Variants in LRRC37A2 observed in about 807,000 individuals in gnomAD.
LRRC37A2 encodes the protein leucine-rich repeat-containing protein 37A2.
In LRRC37A2, 9 loss-of-function variants were observed where a neutral mutation model predicts 68.8. The ratio of observed to expected loss-of-function variants is 0.13; its 90% confidence interval spans 0.08 to 0.23. LRRC37A2 has a LOEUF of 0.23. Among genes scored for constraint, LRRC37A2 ranks in the 10% least tolerant of loss-of-function variants. The pLI, the probability that LRRC37A2 is intolerant of heterozygous loss-of-function variation, is 1.00. For missense variants in LRRC37A2, 168 were observed against 950.4 expected (o/e 0.18, Z 10.82); for synonymous variants, 63 against 367.6 (o/e 0.17, Z 9.48).
At chr17:46,750,660 A>G in the LRRC37A2 span, among the ~76,000 whole-genome samples, 2 of 152,240 alleles carry the variant, frequency 1.3e-5, no homozygotes, top group African/African-American at 4.8e-5. Context: ...ACAAACTGCC[A>G]GGAATTAATT....
At chr17:46,816,471 A>ACG in the LRRC37A2 span, among the ~76,000 whole-genome samples, 321 of 78,936 alleles carry the variant, frequency 4.1e-3, 1 homozygote, top group East Asian at 0.012. Flanking sequence ...GACCCAGAAC[A>ACG]CACGCACACA....
At chr17:46,976,049 C>T in the LRRC37A2 span, among the ~76,000 whole-genome samples, 1 of 151,930 alleles carries the variant, frequency 6.6e-6, no homozygotes, top group Non-Finnish European at 1.5e-5. Context: ...GCCTCAGCCT[C>T]CCAAGTAGCT....
At chr17:46,721,566 A>C in the LRRC37A2 span, 1 of 1,455,060 alleles carries the variant, frequency 6.9e-7, no homozygotes, top group Middle Eastern at 2.4e-4. Flanking sequence ...TATACTTTTT[A>C]TTTAGCCATT....
the LRRC37A2 span, among the ~76,000 whole-genome samples, chr17:46,769,184 C>T: frequency 6.6e-6 from 1 of 152,028 alleles, no homozygotes; most frequent in East Asian, 1.9e-4. Flanking sequence ...GGTGTGGTGG[C>T]GGACGCCTGT....
intron 6 of LRRC37A2, among the ~76,000 whole-genome samples, chr17:46,534,136 C>T (rs963894119): frequency 1.4e-5 from 2 of 146,488 alleles, no homozygotes. Flanking sequence ...ACCTCAGCCT[C>T]CTGGGTAGCT....
the LRRC37A2 span, chr17:47,024,814 T>G: frequency 1.5e-6 from 1 of 653,598 alleles, no homozygotes; most frequent in African/African-American, 1.8e-5. Flanking sequence ...AATAAGGGGT[T>G]CAAATTAGAT....
At chr17:46,715,349 C>T in the LRRC37A2 span, among the ~76,000 whole-genome samples, 4 of 152,198 alleles carry the variant, frequency 2.6e-5, no homozygotes, top group South Asian at 2.1e-4. Flanking sequence ...CTTTGTTTTT[C>T]GTTTTCCCTC....
the LRRC37A2 span, among the ~76,000 whole-genome samples, chr17:46,879,465 A>G: frequency 6.6e-6 from 1 of 152,218 alleles, no homozygotes; most frequent in Non-Finnish European, 1.5e-5. Flanking sequence ...CTTACTCATA[A>G]TGATAATGAC....
At chr17:46,766,338 G>A in the LRRC37A2 span, among the ~76,000 whole-genome samples, 4 of 151,964 alleles carry the variant, frequency 2.6e-5, no homozygotes, top group Admixed American at 6.6e-5. Flanking sequence ...AACCCAGGTG[G>A]CGGAGGTTAC....
the LRRC37A2 span, among the ~76,000 whole-genome samples, chr17:46,735,349 C>T: frequency 1.3e-5 from 2 of 151,852 alleles, no homozygotes; most frequent in African/African-American, 4.8e-5. Flanking sequence ...GTTACTGTGG[C>T]ATTACATTAG....
the LRRC37A2 span, among the ~76,000 whole-genome samples, chr17:47,032,390 G>A: frequency 2.6e-5 from 4 of 151,628 alleles, no homozygotes; most frequent in African/African-American, 7.3e-5. Flanking sequence ...ACTCAGAGAC[G>A]CTAGGTAATT....
At chr17:46,673,958 C>T in the LRRC37A2 span, among the ~76,000 whole-genome samples, 149 of 15,118 alleles carry the variant, frequency 9.9e-3, 55 homozygotes, top group African/African-American at 0.021. Context: ...TGTGTGTATA[C>T]ACATATATGA....
the LRRC37A2 span, among the ~76,000 whole-genome samples, chr17:46,809,989 CTCT>C: frequency 6.6e-6 from 1 of 151,012 alleles, no homozygotes; most frequent in Admixed American, 6.6e-5. Context: ...TATTCCTCTC[CTCT>C]TTTCTTTCTT....
the LRRC37A2 span, chr17:46,704,799 G>A: frequency 1.9e-6 from 3 of 1,608,244 alleles, no homozygotes; most frequent in South Asian, 3.3e-5. Context: ...AAAGCAGAAA[G>A]CCTGCAAGTG....
chr17:46,847,048 T>C, the LRRC37A2 span, among the ~76,000 whole-genome samples: 1 of 152,358 alleles, frequency 6.6e-6, no homozygotes, highest in South Asian at 2.1e-4. Flanking sequence ...CTTTCAGTAA[T>C]TTTTTTCATT....
At chr17:46,860,655 T>C in the LRRC37A2 span, among the ~76,000 whole-genome samples, 1 of 152,258 alleles carries the variant, frequency 6.6e-6, no homozygotes, top group Non-Finnish European at 1.5e-5. Flanking sequence ...TCTAGTGATC[T>C]GCCTTACAGC....
At chr17:46,631,082 A>ACACACACACCCACACACACACG in the LRRC37A2 span, among the ~76,000 whole-genome samples, 1 of 142,080 alleles carries the variant, frequency 7.0e-6, no homozygotes, top group Non-Finnish European at 1.5e-5. Context: ...ACACACACAC[A>ACACACACACCCACACACACACG]CACACACACA....
chr17:46,583,975 T>TTATATATATATATATATA, the LRRC37A2 span, among the ~76,000 whole-genome samples: 4 of 10,322 alleles, frequency 3.9e-4, no homozygotes, highest in Admixed American at 1.3e-3. Context: ...CGTATATGTT[T>TTATATATATATATATATA]TATATATATA....
chr17:47,025,328 A>C, the LRRC37A2 span, among the ~76,000 whole-genome samples: 51 of 152,328 alleles, frequency 3.3e-4, 1 homozygote, highest in East Asian at 9.6e-3. Context: ...ACCTGCATTC[A>C]TTTGAACATC....
Sources: gnomAD v4.1 joint callset for allele counts (sites outside exome capture counted in the v4.1 genomes callset) on GRCh38, gnomAD v4.1.1 for gene constraint, MANE v1.5 for transcripts, NCBI Gene and HGNC (gene_info 2026-07-23, HGNC 2026-07-21) for gene names.